The following FNIP2 variants were observed in gnomAD, a reference collection of about 807,000 sequenced individuals.
FNIP2 encodes folliculin interacting protein 2, also known as folliculin-interacting protein 2.
FNIP2 carries 32 observed loss-of-function variants against 108.7 expected under a neutral mutation model. The ratio of observed to expected loss-of-function variants is 0.29; its 90% confidence interval spans 0.22 to 0.40. The LOEUF (loss-of-function observed/expected upper bound fraction) is 0.40. Among genes scored for constraint, FNIP2 ranks in the 10% least tolerant of loss-of-function variants. The probability of loss-of-function intolerance (pLI) is 1.00; values close to 1 mark genes in which losing one functional copy is unlikely to be tolerated. For synonymous variants in FNIP2, 480 were observed against 496.7 expected (o/e 0.97, Z 0.45); for missense variants, 1,202 against 1,381.6 (o/e 0.87, Z 2.06).
chr4:158,895,962 C>A, intron 16 of FNIP2, 97 bp downstream of exon 16: 1 of 819,064 alleles, frequency 1.2e-6, no homozygotes, highest in Non-Finnish European at 2.0e-6. Context: ...AAACCTCAGG[C>A]CCTGGTAACC....
intron 1 of FNIP2, among the ~76,000 whole-genome samples, chr4:158,814,718 G>A (rs1015243329): frequency 1.1e-4 from 17 of 152,156 alleles, no homozygotes; most frequent in African/African-American, 3.4e-4. Context: ...ATGAAGGACA[G>A]GAAAATGTAG....
At chr4:158,782,535 T>TC (rs1391696771) in intron 1 of FNIP2, among the ~76,000 whole-genome samples, 3 of 150,748 alleles carry the variant, frequency 2.0e-5, no homozygotes, top group Non-Finnish European at 4.4e-5. Flanking sequence ...TTTTTTTTTT[T>TC]CCTCAAATTA....
At chr4:158,783,406 T>C (rs1285224272) in intron 1 of FNIP2, among the ~76,000 whole-genome samples, 1 of 152,202 alleles carries the variant, frequency 6.6e-6, no homozygotes, top group African/African-American at 2.4e-5. Context: ...CTCAGAGATG[T>C]TTTTAGTTGG....
intron 14 of FNIP2, among the ~76,000 whole-genome samples, chr4:158,881,858 C>T (rs1781660359): frequency 6.6e-6 from 1 of 152,240 alleles, no homozygotes. Context: ...ATTGCAGCCT[C>T]TGCCTGGCCG....
At position 158,869,382 on chromosome 4, in the gene FNIP2, G is replaced by A. The variant is rs1289854593; in HGVS notation, c.2746G>A (p.Gly916Ser). The stretch of plus-strand genomic sequence containing the variant: ...AGCCATGCTAGATCTGGGTCACGGT[G>A]GTGACAGGACTGGAGGGTCCTTGGA... ...ASAMLDLGHGGDRTGGSLEVE... is the reference protein window; with the variant it reads ...ASAMLDLGHGSDRTGGSLEVE... The change falls in exon 13 of 17, where the codon GGT becomes AGT. Residue 916 changes from glycine (G) to serine (S), a missense_variant. This residue lies in a region of FNIP2 where 878 missense variants were observed against 990.3 expected (regional missense o/e 0.89). Transcript: ENST00000264433. 2.5e-6 allele frequency: 4 copies of A among 1,610,526 alleles called. No homozygotes were observed. Among genetic ancestry groups the A allele is most frequent in the Non-Finnish European group, 3.4e-6 (4 of 1,178,748 alleles).
intron 1 of FNIP2, among the ~76,000 whole-genome samples, chr4:158,816,748 G>A (rs1465749172): frequency 1.4e-5 from 2 of 148,066 alleles, no homozygotes; most frequent in Non-Finnish European, 3.0e-5. Context: ...TTGCACCACT[G>A]CACTCCTGCC....
At chr4:158,769,982 A>G (rs1032335278) in intron 1 of FNIP2, among the ~76,000 whole-genome samples, 6 of 152,240 alleles carry the variant, frequency 3.9e-5, no homozygotes, top group Non-Finnish European at 8.8e-5. Flanking sequence ...TTGAATATTG[A>G]TAGCATTTAT....
In FNIP2 at chr4:158,869,091, T is replaced by A. The variant is rs1218038368; in HGVS notation, c.2455T>A (p.Leu819Met). 1.2e-6 allele frequency: 2 copies of A among 1,613,878 alleles called. No homozygotes were observed. Among genetic ancestry groups the A allele is most frequent in the African/African-American group, 2.7e-5 (2 of 74,922 alleles). ...IAGQLSHAAD[L>M]GTASHGAGGT... ...TGGGCAGCTCAGCCACGCTGCTGAC[T>A]TGGGCACAGCCTCCCACGGTGCAGG... The change falls in exon 13 of 17, where the codon TTG becomes ATG. Residue 819 changes from leucine to methionine, a missense_variant. Around this residue, in one of 5 missense-constraint regions of FNIP2, gnomAD observed 878 missense variants for 990.3 expected, o/e 0.89. Transcript: ENST00000264433.
chr4:158,897,156 T>C (rs1260410442), intron 16 of FNIP2, among the ~76,000 whole-genome samples: 2 of 152,364 alleles, frequency 1.3e-5, no homozygotes, highest in African/African-American at 4.8e-5. Flanking sequence ...TCCGTGTCCC[T>C]GCAGAGGACA....
rs367686613 is a variant in FNIP2, at chr4:158,859,655, G to A, written c.1137G>A (p.Leu379=). The part of the protein sequence containing the change: ...QFYVSRLMEA[L]GEFRGTIWNL... ...ATGTCAGCCGTTTGATGGAAGCTCT[G>A]GGAGAATTCAGGTAAAGTGGCAAAG... The change falls in exon 10 of 17, where the codon CTG becomes CTA. Residue 379 remains leucine, a synonymous_variant. Coordinates refer to ENST00000264433, the MANE Select transcript of FNIP2 (RefSeq NM_020840.3). 1.4e-5 allele frequency: 23 copies of A among 1,612,788 alleles called. No homozygotes were observed. In the African/African-American group the frequency reaches 3.1e-4, roughly 22 times the overall value.
At chr4:158,869,881 A>C (rs1450636337) in intron 13 of FNIP2, among the ~76,000 whole-genome samples, 2 of 151,926 alleles carry the variant, frequency 1.3e-5, no homozygotes, top group African/African-American at 4.8e-5. Context: ...CTTTCTTAAC[A>C]CTCCATCAGG....
At chr4:158,875,699 A>G (rs1434744518) in intron 14 of FNIP2, among the ~76,000 whole-genome samples, 1 of 151,938 alleles carries the variant, frequency 6.6e-6, no homozygotes, top group Non-Finnish European at 1.5e-5. Context: ...GATACAAAGA[A>G]AACATCTATG....
chr4:158,831,138 A>G (rs1778460272), intron 3 of FNIP2, among the ~76,000 whole-genome samples: 1 of 152,224 alleles, frequency 6.6e-6, no homozygotes, highest in African/African-American at 2.4e-5. Flanking sequence ...GAGAAGTTTA[A>G]TAAAGCAAAC....
At chr4:158,846,592 C>CT (rs1400167777) in intron 7 of FNIP2, among the ~76,000 whole-genome samples, 1 of 152,180 alleles carries the variant, frequency 6.6e-6, no homozygotes, top group Non-Finnish European at 1.5e-5. Flanking sequence ...TCTTCTCTGT[C>CT]TTGTGTTGTA....
intron 1 of FNIP2, among the ~76,000 whole-genome samples, chr4:158,774,848 T>C (rs550187736): frequency 1.3e-5 from 2 of 152,328 alleles, no homozygotes; most frequent in South Asian, 4.1e-4. Flanking sequence ...CTGGATTAGA[T>C]GTTTTAAAAG....
chr4:158,880,848 T>C lies in FNIP2; in HGVS notation c.2949+10379T>C, dbSNP rs569688279. On this transcript the variant is annotated intron_variant, in intron 14 of 16. Coordinates refer to ENST00000264433, the MANE Select transcript of FNIP2 (RefSeq NM_020840.3). ...TCTTCAGTTCCAAGGCTATGGAGGA[T>C]GCAGTTATATAGGTGGGTCTTCTCC... is the stretch of plus-strand genomic sequence containing the variant. 8.5e-5 allele frequency among the ~76,000 whole-genome samples: 13 copies of C among 152,276 alleles called. No homozygotes were observed. In the East Asian group the frequency reaches 2.5e-3, roughly 29 times the overall value.
chr4:158,858,327 T>A (rs1301171826), intron 8 of FNIP2, among the ~76,000 whole-genome samples: 1 of 152,230 alleles, frequency 6.6e-6, no homozygotes, highest in Non-Finnish European at 1.5e-5. Context: ...TGTTAGTAGC[T>A]ATTTGGTAGC....
intron 14 of FNIP2, among the ~76,000 whole-genome samples, chr4:158,880,432 G>T (rs1309768213): frequency 1.3e-5 from 2 of 152,140 alleles, no homozygotes; most frequent in East Asian, 3.9e-4. Context: ...CACACACTGG[G>T]ACCTGTGGTG....
intron 3 of FNIP2, among the ~76,000 whole-genome samples, chr4:158,830,632 T>C (rs1279258042): frequency 1.3e-5 from 2 of 152,232 alleles, no homozygotes; most frequent in East Asian, 3.8e-4. Flanking sequence ...TCAGCGTATG[T>C]ATGCTTGTGT....
Sources: allele counts gnomAD v4.1 joint callset (sites outside exome capture counted in the v4.1 genomes callset), GRCh38; gene constraint gnomAD v4.1.1; regional missense constraint gnomAD v4.1.1; transcripts MANE v1.5; gene names NCBI Gene and HGNC (gene_info 2026-07-23, HGNC 2026-07-21).